Variants in E2F3 observed in about 807,000 individuals in gnomAD.
The protein encoded by E2F3 is E2F transcription factor 3, also known as transcription factor E2F3.
A neutral mutation model predicts 44.4 loss-of-function variants in E2F3; 11 were observed. The observed-to-expected ratio is 0.25, with a 90% CI of 0.16 to 0.41. The LOEUF (loss-of-function observed/expected upper bound fraction) is 0.41, where lower values mean the gene tolerates loss of function less well. Among genes scored for constraint, E2F3 ranks in the 10% least tolerant of loss-of-function variants. The pLI, the probability that E2F3 is intolerant of heterozygous loss-of-function variation, is 1.00. For missense variants in E2F3, 487 were observed against 583.6 expected, an observed-to-expected ratio of 0.83 and a Z score of 1.70; for synonymous variants, 249 against 253.0, an observed-to-expected ratio of 0.98 and a Z score of 0.15.
rs536483070 is a variant in E2F3 at position 20,482,650 on chromosome 6, C to T, written c.726-112C>T. 9.9e-5 allele frequency: 87 copies of T among 877,212 alleles called. No individual in the cohort carries two copies. The South Asian group carries it at 1.9e-3, about 20-fold the overall frequency. 54.3% of individuals were successfully genotyped at this position (877,212 alleles called of 1,614,324 possible). Reference sequence around the variant, plus strand: ...TAAATGTTCTAATTTTAACACTTGGCTAACAAGCAATGTGACCTCCTATGT... The same window carrying T: ...TAAATGTTCTAATTTTAACACTTGGTTAACAAGCAATGTGACCTCCTATGT... On this transcript the variant is annotated intron_variant, in intron 3 of 6. Coordinates refer to ENST00000346618, the MANE Select transcript of E2F3 (RefSeq NM_001949.5).
chr6:20,439,559 A>G (rs1252129426), intron 1 of E2F3, among the ~76,000 whole-genome samples: 2 of 152,186 alleles, frequency 1.3e-5, no homozygotes, highest in East Asian at 3.8e-4. Flanking sequence ...TTAAAGAGAC[A>G]GGGTCTCTGT....
intron 1 of E2F3, among the ~76,000 whole-genome samples, chr6:20,458,509 G>A (rs1761390368): frequency 6.6e-6 from 1 of 152,128 alleles, no homozygotes; most frequent in African/African-American, 2.4e-5. Context: ...GCTCACTCAT[G>A]GTGGTGCTTG....
intron 1 of E2F3, among the ~76,000 whole-genome samples, chr6:20,413,706 G>C (rs1029549846): frequency 6.6e-6 from 1 of 152,162 alleles, no homozygotes. Flanking sequence ...TTTTCATTCT[G>C]TCTGGTCTGG....
intron 1 of E2F3, among the ~76,000 whole-genome samples, chr6:20,448,170 G>C (rs1474058022): frequency 1.3e-5 from 2 of 152,218 alleles, no homozygotes; most frequent in African/African-American, 4.8e-5. Flanking sequence ...GTGAAAGCTA[G>C]ATTGTAGTGG....
intron 1 of E2F3, among the ~76,000 whole-genome samples, chr6:20,462,323 A>G (rs1761537969): frequency 3.3e-5 from 5 of 152,102 alleles, no homozygotes. Flanking sequence ...TAAATTGTCC[A>G]TTCTTTGCAG....
chr6:20,402,011 C>G lies in E2F3; in HGVS notation c.-222C>G. On this transcript the variant is annotated 5_prime_UTR_variant, in exon 1 of 7. It adds an upstream start codon to the 5' untranslated region. Coordinates refer to ENST00000346618, the MANE Select transcript of E2F3 (RefSeq NM_001949.5). The surrounding 1 kb of genome is among the most constrained non-coding windows in gnomAD (Gnocchi z 5.6). ...TCCATCCCCGCTTGGGGCCCGATAT[C>G]CGTGCGGCCGGGACCCTCCTCTCTC... The G allele has an allele frequency of 4.4e-6, 3 of 682,638 alleles. No individual in the cohort carries two copies. Among genetic ancestry groups the G allele is most frequent in the Non-Finnish European group, 6.3e-6 (3 of 474,364 alleles). 42.3% of individuals were successfully genotyped at this position (682,638 alleles called of 1,614,324 possible). A position where few individuals can be genotyped will look rare whatever the true frequency, so the allele number is the denominator to read the frequency against.
At chr6:20,436,607 C>T (rs1376225800) in intron 1 of E2F3, among the ~76,000 whole-genome samples, 4 of 152,154 alleles carry the variant, frequency 2.6e-5, no homozygotes, top group Admixed American at 1.3e-4. Flanking sequence ...TTGTTCTAGA[C>T]GTTCTTCCTC....
chr6:20,464,181 A>C (rs529556750), intron 1 of E2F3, among the ~76,000 whole-genome samples: 1 of 152,326 alleles, frequency 6.6e-6, no homozygotes, highest in Non-Finnish European at 1.5e-5. Context: ...GCTGCATTAC[A>C]TAGGCATGGT....
chr6:20,469,796 A>G (rs1761831862), intron 1 of E2F3, among the ~76,000 whole-genome samples: 1 of 152,212 alleles, frequency 6.6e-6, no homozygotes, highest in Admixed American at 6.5e-5. Context: ...TCAGTTCACC[A>G]GTTATTCTTC....
intron 1 of E2F3, among the ~76,000 whole-genome samples, chr6:20,437,498 AT>A (rs928438680): frequency 2.4e-4 from 37 of 152,070 alleles, no homozygotes; most frequent in African/African-American, 7.7e-4. Flanking sequence ...TTTCAAAAAA[AT>A]TTTTTTTCTA....
intron 1 of E2F3, among the ~76,000 whole-genome samples, chr6:20,433,992 T>C (rs533264121): frequency 6.6e-6 from 1 of 152,200 alleles, no homozygotes; most frequent in African/African-American, 2.4e-5. Flanking sequence ...AATTTTGGGA[T>C]GGAAGTTTGA....
Position 20,402,319 on chromosome 6 carries a change from T to A in E2F3, c.87T>A (p.Ala29=). The A allele has an allele frequency of 6.2e-7, 1 of 1,609,808 alleles. No homozygotes were observed. Among genetic ancestry groups the A allele is most frequent in the African/African-American group, 1.3e-5 (1 of 74,632 alleles). Residue 29 remains alanine (A), a synonymous_variant, in exon 1 of 7, where the codon GCT becomes GCA. Transcript: ENST00000346618. The surrounding 1 kb of genome is among the most constrained non-coding windows in gnomAD (Gnocchi z 5.6). ...GGGCGGCTGTCGTCGCCGCCGCCGCTGCAGCCTCCATGGACAAAAGGGCAC... is the reference window on the plus strand; with the variant it reads ...GGGCGGCTGTCGTCGCCGCCGCCGCAGCAGCCTCCATGGACAAAAGGGCAC... The part of the protein sequence containing the change: ...GEGAAVVAAA[A]AASMDKRALL...
At chr6:20,445,489 C>T (rs1425857420) in intron 1 of E2F3, among the ~76,000 whole-genome samples, 2 of 152,116 alleles carry the variant, frequency 1.3e-5, no homozygotes, top group Admixed American at 1.3e-4. Context: ...CCACCGTGCC[C>T]GGCCTCTCCA....
At chr6:20,403,896 T>A in intron 1 of E2F3, 1 of 1,067,880 alleles carries the variant, frequency 9.4e-7, no homozygotes, top group Non-Finnish European at 1.3e-6. Flanking sequence ...TGTTGGGGGC[T>A]GAAGCGGTGA....
chr6:20,467,068 T>C (rs1436289270), intron 1 of E2F3, among the ~76,000 whole-genome samples: 1 of 152,122 alleles, frequency 6.6e-6, no homozygotes, highest in Non-Finnish European at 1.5e-5. Context: ...CCCCCTACCC[T>C]TCATCATTCT....
In E2F3 at chr6:20,492,047, C is replaced by T. The variant is rs1166444920; in HGVS notation, c.*1617C>T. On this transcript the variant is annotated 3_prime_UTR_variant, in exon 7 of 7. Transcript: ENST00000346618. ...AGGGAGTCAGATAAAGAACAAACCT[C>T]GAAACGAACAGTTAAATTGAAATGC... The T allele has an allele frequency of 1.5e-5, 3 of 196,876 alleles. No individual in the cohort carries two copies. Among genetic ancestry groups the T allele is most frequent in the African/African-American group, 2.3e-5 (1 of 43,212 alleles). 12.2% of individuals were successfully genotyped at this position (196,876 alleles called of 1,614,324 possible).
intron 1 of E2F3, among the ~76,000 whole-genome samples, chr6:20,469,274 G>C (rs552637093): frequency 6.6e-6 from 1 of 152,210 alleles, no homozygotes. Flanking sequence ...GGGGGGAAAT[G>C]GAAGAAGTGA....
Position 20,490,806 on chromosome 6 carries a change from C to A in E2F3, c.*376C>A, listed in dbSNP as rs1306265780. Reference sequence around the variant, plus strand: ...TGTAGAATGGGGTCTGGCCACCTGGCCTGCTGGGAAACAGCAATCTTCCTT... The same window carrying A: ...TGTAGAATGGGGTCTGGCCACCTGGACTGCTGGGAAACAGCAATCTTCCTT... On this transcript the variant is annotated 3_prime_UTR_variant, in exon 7 of 7. Coordinates refer to ENST00000346618, the MANE Select transcript of E2F3 (RefSeq NM_001949.5). The surrounding 1 kb of genome is among the most constrained non-coding windows in gnomAD (Gnocchi z 4.3). 3 of 234,264 alleles carry A rather than the reference C, an allele frequency of 1.3e-5. No homozygotes were observed. Among genetic ancestry groups the A allele is most frequent in the Non-Finnish European group, 1.7e-5 (2 of 119,368 alleles). The allele number at this position is 234,264 out of a possible 1,614,324, so 14.5% of individuals were successfully genotyped here. A position where few individuals can be genotyped will look rare whatever the true frequency, so the allele number is the denominator to read the frequency against.
intron 1 of E2F3, chr6:20,403,917 T>C: frequency 1.2e-6 from 1 of 843,204 alleles, no homozygotes. Flanking sequence ...GGGTAGGCGG[T>C]TGAGCGGGGT....
Sources: allele counts gnomAD v4.1 joint callset (sites outside exome capture counted in the v4.1 genomes callset), GRCh38; gene constraint gnomAD v4.1.1; non-coding constraint Gnocchi (gnomAD v3.1); transcripts MANE v1.5; gene names NCBI Gene and HGNC (gene_info 2026-07-23, HGNC 2026-07-21).